The following ANO3 variants were observed in gnomAD, a reference collection of about 807,000 sequenced individuals.
The protein encoded by ANO3 is anoctamin-3.
A neutral mutation model predicts 144.8 loss-of-function variants in ANO3; 99 were observed. The ratio of observed to expected loss-of-function variants is 0.68; its 90% confidence interval spans 0.58 to 0.81. The LOEUF is 0.81. ANO3 is among the 30% of genes least tolerant of loss of function. The probability of loss-of-function intolerance (pLI) is 0.00; values close to 1 mark genes in which losing one functional copy is unlikely to be tolerated. For missense variants in ANO3, 905 were observed against 1,202.2 expected, an observed-to-expected ratio of 0.75 and a Z score of 3.66; for synonymous variants, 414 against 392.6, an observed-to-expected ratio of 1.05 and a Z score of -0.64.
At chr11:26,658,609 C>CA (rs965574788) in intron 26 of ANO3, among the ~76,000 whole-genome samples, 11 of 149,398 alleles carry the variant, frequency 7.4e-5, no homozygotes, top group Non-Finnish European at 1.3e-4. Context: ...AAACTCCGTC[C>CA]AAAAAAAAAG....
At chr11:26,261,852 T>G (rs1853197055) in intron 1 of ANO3, among the ~76,000 whole-genome samples, 1 of 152,234 alleles carries the variant, frequency 6.6e-6, no homozygotes, top group South Asian at 2.1e-4. Flanking sequence ...CTGAAACGTT[T>G]GAATTAGGAT....
At chr11:26,416,962 C>T (rs1039981627) in intron 1 of ANO3, among the ~76,000 whole-genome samples, 31 of 152,032 alleles carry the variant, frequency 2.0e-4, no homozygotes, top group Admixed American at 5.9e-4. Flanking sequence ...CTGTTTTCAG[C>T]TTCAACTTCA....
At chr11:26,317,451 G>T (rs1191118284) in intron 1 of ANO3, among the ~76,000 whole-genome samples, 1 of 151,598 alleles carries the variant, frequency 6.6e-6, no homozygotes, top group Non-Finnish European at 1.5e-5. Context: ...GTCGGCAAAG[G>T]ATATGAACAG....
At position 26,542,016 on chromosome 11, in the gene ANO3, C is replaced by A; in HGVS notation, c.1102C>A (p.Arg368Ser). 1 of 1,612,720 alleles carries A rather than the reference C, an allele frequency of 6.2e-7. No homozygotes were observed. The highest frequency in any genetic ancestry group is 8.5e-7 in the Non-Finnish European group (1 of 1,179,178). Residue 368 changes from arginine to serine, a missense_variant, in exon 11 of 27, where the codon CGC becomes AGC. Arg to Ser is a moderately radical substitution (Grantham distance 110). Coordinates refer to ENST00000256737, the MANE Select transcript of ANO3 (RefSeq NM_031418.4). ...GAATAACAGACATCTATTATATGAG[C>A]GCTGGGCACGCTGGGGAATGTGGTA... Reference protein sequence around the residue: ...PQNNRHLLYERWARWGMWYKH... With the variant: ...PQNNRHLLYESWARWGMWYKH...
intron 1 of ANO3, among the ~76,000 whole-genome samples, chr11:26,235,918 A>T (rs528870641): frequency 6.6e-6 from 1 of 152,058 alleles, no homozygotes; most frequent in South Asian, 2.1e-4. Context: ...GATCTCACAC[A>T]TCTCTTGAAA....
intron 13 of ANO3, among the ~76,000 whole-genome samples, chr11:26,553,570 C>T (rs1180265665): frequency 6.6e-6 from 1 of 152,040 alleles, no homozygotes; most frequent in East Asian, 1.9e-4. Flanking sequence ...CTGATTTTTG[C>T]CACCATAGAT....
At chr11:26,383,640 G>GA (rs1158893223) in intron 1 of ANO3, among the ~76,000 whole-genome samples, 3 of 152,118 alleles carry the variant, frequency 2.0e-5, no homozygotes, top group Admixed American at 2.0e-4. Context: ...GAACTACATT[G>GA]AAAAATAAAA....
chr11:26,214,738 C>G (rs1459893518), intron 1 of ANO3, among the ~76,000 whole-genome samples: 1 of 151,846 alleles, frequency 6.6e-6, no homozygotes, highest in Admixed American at 6.6e-5. Context: ...TTCAATGAAC[C>G]AATATTGATA....
At position 26,485,530 on chromosome 11, in the gene ANO3, A is replaced by G. The variant is rs1008104577; in HGVS notation, c.432+22382A>G. On this transcript the variant is annotated intron_variant, in intron 4 of 26. Transcript: ENST00000256737. ...GCCTGCAGAACTGTGAACCTATTAA[A>G]CCTCTTTTCTTTATGAAGTACCCAG... 2.0e-5 allele frequency among the ~76,000 whole-genome samples: 3 copies of G among 151,938 alleles called. No homozygotes were observed. In the South Asian group the frequency reaches 6.2e-4, roughly 32 times the overall value.
At chr11:26,252,880 G>A (rs1453209352) in intron 1 of ANO3, among the ~76,000 whole-genome samples, 2 of 152,040 alleles carry the variant, frequency 1.3e-5, no homozygotes, top group African/African-American at 4.8e-5. Context: ...TAAACCATTC[G>A]AACCATCTAT....
chr11:26,372,790 A>G (rs1202812378), intron 1 of ANO3, among the ~76,000 whole-genome samples: 1 of 152,170 alleles, frequency 6.6e-6, no homozygotes, highest in African/African-American at 2.4e-5. Context: ...TTAAACAAGG[A>G]AAGGGGTCAT....
At chr11:26,541,646 G>C (rs202149290) in intron 10 of ANO3, among the ~76,000 whole-genome samples, 1 of 151,720 alleles carries the variant, frequency 6.6e-6, no homozygotes, top group Non-Finnish European at 1.5e-5. Flanking sequence ...AAGATATTGT[G>C]TTTATTAAAA....
At chr11:26,595,769 C>G (rs1845358) in intron 14 of ANO3, among the ~76,000 whole-genome samples, 4,180 of 152,132 alleles carry the variant, frequency 0.027, 196 homozygotes, top group African/African-American at 0.095. Flanking sequence ...GTTAAATCAC[C>G]TTTTTCTAAC....
At chr11:26,498,522 T>A (rs947411023) in intron 4 of ANO3, among the ~76,000 whole-genome samples, 1 of 150,302 alleles carries the variant, frequency 6.7e-6, no homozygotes, top group Non-Finnish European at 1.5e-5. Context: ...TTATTATCAA[T>A]GATAGTCAAT....
intron 1 of ANO3, among the ~76,000 whole-genome samples, chr11:26,283,490 T>G (rs954575213): frequency 6.6e-6 from 1 of 151,364 alleles, no homozygotes; most frequent in Admixed American, 6.6e-5. Flanking sequence ...ATTGGTTAAT[T>G]ATGTAAAACA....
chr11:26,536,008 T>C (rs190740828), intron 9 of ANO3, among the ~76,000 whole-genome samples: 4,090 of 152,138 alleles, frequency 0.027, 90 homozygotes, highest in Non-Finnish European at 0.044. Flanking sequence ...GAAATAAATT[T>C]AGTAAGTAAT....
chr11:26,360,903 G>A (rs2133924552), intron 1 of ANO3, among the ~76,000 whole-genome samples: 1 of 152,288 alleles, frequency 6.6e-6, no homozygotes, highest in Non-Finnish European at 1.5e-5. Flanking sequence ...CATACCTACT[G>A]TTATTACGTG....
At chr11:26,476,410 A>G (rs769478944) in intron 4 of ANO3, among the ~76,000 whole-genome samples, 11 of 152,004 alleles carry the variant, frequency 7.2e-5, no homozygotes, top group Non-Finnish European at 1.6e-4. Flanking sequence ...AAGGCAGAAG[A>G]GTGACCTATG....
At position 26,332,177 on chromosome 11, in the gene ANO3, G is replaced by C. The variant is rs1855065371; in HGVS notation, c.-99G>C. 1 of 1,606,120 alleles carries C rather than the reference G, an allele frequency of 6.2e-7. No homozygotes were observed. On this transcript the variant is annotated 5_prime_UTR_variant, in exon 1 of 27. Coordinates refer to ENST00000256737, the MANE Select transcript of ANO3 (RefSeq NM_031418.4). ...GCAGGTGTCGGATTGCAGTGCGCTC[G>C]CTGAGGCTCCGGACCTTGGAGCGTC...
Sources: allele counts gnomAD v4.1 joint callset (sites outside exome capture counted in the v4.1 genomes callset), GRCh38; gene constraint gnomAD v4.1.1; transcripts MANE v1.5; gene names NCBI Gene and HGNC (gene_info 2026-07-23, HGNC 2026-07-21).